Variants in UNC80 observed in about 807,000 individuals in gnomAD.
UNC80 encodes the protein unc-80 subunit of NALCN channel complex.
Under a neutral mutation model 384.6 loss-of-function variants are expected in UNC80, and 164 were observed. The ratio of observed to expected loss-of-function variants is 0.43; its 90% CI spans 0.38 to 0.49. The LOEUF is 0.49. Among genes scored for constraint, UNC80 ranks in the 20% least tolerant of loss-of-function variants. The pLI is 0.00. For synonymous variants in UNC80, 1,486 were observed against 1,527.8 expected (o/e 0.97, Z 0.64); for missense variants, 3,330 against 4,143.0 (o/e 0.80, Z 5.39).
intron 52 of UNC80, chr2:209,968,724 C>A (rs1002445367): frequency 6.6e-6 from 1 of 152,094 alleles, no homozygotes; most frequent in Non-Finnish European, 1.5e-5. Context: ...CACAAGGGTG[C>A]GTCAAAATAA....
chr2:209,976,326 TG>T lies in UNC80; in HGVS notation c.8772+24del. 6.4e-7 allele frequency: 1 copy of T among 1,551,612 alleles called. No homozygotes were observed. On this transcript the variant is annotated intron_variant, in intron 57 of 64. Transcript: ENST00000673920. This position sits in a 1 kb window ranked among gnomAD's most constrained non-coding sequence, Gnocchi z 4.3. ...AAGGTGTGGTGTGTGCTTCTCCTCC[TG>T]AAAGTGGCAAGCTCAAATGAATGTG...
chr2:209,872,818 T>C lies in UNC80; in HGVS notation c.3688T>C (p.Cys1230Arg), dbSNP rs1278708802. Residue 1230 changes from cysteine (C) to arginine (R), a missense_variant, in exon 23 of 65, where the codon TGC (cysteine) becomes CGC (arginine). Cys to Arg is a radical substitution (Grantham distance 180, BLOSUM62 -3). Around this residue, in one of 8 missense-constraint regions of UNC80, gnomAD observed 801 missense variants for 950.8 expected, o/e 0.84. Coordinates refer to ENST00000673920, the MANE Select transcript of UNC80 (RefSeq NM_001371986.1). This position sits in a 1 kb window ranked among gnomAD's most constrained non-coding sequence, Gnocchi z 4.1. ...FLECARFVHR[C>R]NRGNWPEWMK... ...GGAATGTGCTCGTTTTGTTCACCGC[T>C]GCAACCGTGGCAACTGGCCAGAGTG... 1.3e-6 allele frequency: 2 copies of C among 1,551,480 alleles called. No individual in the cohort carries two copies. Among genetic ancestry groups the C allele is most frequent in the Non-Finnish European group, 1.7e-6 (2 of 1,146,822 alleles).
Position 209,845,742 on chromosome 2 carries a change from G to C in UNC80, c.3454+3296G>C, listed in dbSNP as rs555612679. Reference sequence around the variant, plus strand: ...CACTATTCTTTGCCTATGTTCTCTTGCTTTTTAAAAATTATAAAAAAGATA... The same window carrying C: ...CACTATTCTTTGCCTATGTTCTCTTCCTTTTTAAAAATTATAAAAAAGATA... On this transcript the variant is annotated intron_variant, in intron 21 of 64. Transcript: ENST00000673920. 3.7e-4 allele frequency among the ~76,000 whole-genome samples: 57 copies of C among 152,200 alleles called. 1 individual carries two copies. Among genetic ancestry groups the C allele is most frequent in the Non-Finnish European group, 5.9e-5 (4 of 67,992 alleles).
chr2:209,938,710 C>CTGTGTGTGTGTG (rs139058213), intron 42 of UNC80, among the ~76,000 whole-genome samples: 1 of 83,380 alleles, frequency 1.2e-5, no homozygotes, highest in African/African-American at 3.9e-5. Context: ...CTCTCTCTCT[C>CTGTGTGTGTGTG]TGTGTGTGTG....
At chr2:209,836,953 A>G (rs1369104203) in intron 18 of UNC80, among the ~76,000 whole-genome samples, 1 of 152,244 alleles carries the variant, frequency 6.6e-6, no homozygotes, top group African/African-American at 2.4e-5. Flanking sequence ...TTTTCCAGCC[A>G]GACTACATAG....
chr2:209,984,800 C>CTTT, intron 60 of UNC80, 56 bp from the exon 61 acceptor site: 3 of 1,137,884 alleles, frequency 2.6e-6, no homozygotes, highest in South Asian at 1.7e-5. Flanking sequence ...TTTCTTTTTT[C>CTTT]TTTTTTTTTT....
chr2:209,963,345 T>A (rs2092652731), intron 51 of UNC80, among the ~76,000 whole-genome samples: 1 of 152,194 alleles, frequency 6.6e-6, no homozygotes, highest in South Asian at 2.1e-4. Context: ...GAAAGAACCA[T>A]AGGAAAGTTT....
intron 36 of UNC80, among the ~76,000 whole-genome samples, chr2:209,928,891 C>G (rs2090637659): frequency 6.6e-6 from 1 of 152,116 alleles, no homozygotes; most frequent in Admixed American, 6.6e-5. Flanking sequence ...GAGAGATCAA[C>G]TTATTTAGCT....
intron 28 of UNC80, among the ~76,000 whole-genome samples, chr2:209,898,283 T>G (rs1431519834): frequency 6.6e-6 from 1 of 152,130 alleles, no homozygotes; most frequent in Non-Finnish European, 1.5e-5. Flanking sequence ...TGTTTTTTTC[T>G]TAACTTCTTG....
At chr2:209,788,305 A>G (rs1256469440) in intron 5 of UNC80, among the ~76,000 whole-genome samples, 1 of 152,040 alleles carries the variant, frequency 6.6e-6, no homozygotes, top group African/African-American at 2.4e-5. Context: ...AATCCCAGCT[A>G]CTTGGGAAGG....
At chr2:209,896,773 G>A (rs1482143280) in intron 28 of UNC80, among the ~76,000 whole-genome samples, 1 of 152,084 alleles carries the variant, frequency 6.6e-6, no homozygotes, top group African/African-American at 2.4e-5. Flanking sequence ...CACGGTCATG[G>A]TGTTGCTCTT....
chr2:209,847,980 T>C (rs2082278738), intron 21 of UNC80, among the ~76,000 whole-genome samples: 1 of 152,120 alleles, frequency 6.6e-6, no homozygotes, highest in Non-Finnish European at 1.5e-5. Context: ...CTGTTTATAC[T>C]TTTTAACAGA....
At chr2:209,921,729 G>A in intron 34 of UNC80, 43 bp downstream of exon 34, 1 of 1,492,000 alleles carries the variant, frequency 6.7e-7, no homozygotes, top group Non-Finnish European at 8.9e-7. Flanking sequence ...TGAGTCTCAG[G>A]GAAATAACGT....
At chr2:209,927,657 G>A (rs1575044783) in intron 36 of UNC80, among the ~76,000 whole-genome samples, 1 of 152,090 alleles carries the variant, frequency 6.6e-6, no homozygotes, top group African/African-American at 2.4e-5. Flanking sequence ...GAAAAAGCAG[G>A]GGAAAGAGCA....
intron 2 of UNC80, among the ~76,000 whole-genome samples, chr2:209,775,487 A>T (rs1055166191): frequency 6.6e-6 from 1 of 152,160 alleles, no homozygotes; most frequent in Non-Finnish European, 1.5e-5. Context: ...TTCACAAAAA[A>T]CTTATTTTGG....
chr2:209,873,318 A>C (rs1047937473), intron 23 of UNC80, among the ~76,000 whole-genome samples: 3 of 152,216 alleles, frequency 2.0e-5, no homozygotes, highest in Non-Finnish European at 4.4e-5. Flanking sequence ...ATCAAGAATT[A>C]TCTTTTTGAA....
chr2:209,986,539 C>T (rs752245303), intron 61 of UNC80, among the ~76,000 whole-genome samples: 2 of 152,176 alleles, frequency 1.3e-5, no homozygotes, highest in East Asian at 1.9e-4. Context: ...GAGACTGGTT[C>T]AGAGCCAAAG....
chr2:209,813,799 G>C lies in UNC80; in HGVS notation c.1158G>C (p.Met386Ile). 6.4e-7 allele frequency: 1 copy of C among 1,552,148 alleles called. No individual in the cohort carries two copies. Residue 386 changes from methionine (M) to isoleucine (I), a missense_variant, in exon 8 of 65, where the codon ATG (methionine) becomes ATC (isoleucine). This residue lies in a region of UNC80 where 937 missense variants were observed against 1,026.8 expected (regional missense o/e 0.91). Transcript: ENST00000673920. The part of the protein sequence containing the change: ...PLLPRPRSSS[M>I]VAAAPSLVNT... ...TGCCCAGACCCAGGAGTAGCTCCAT[G>C]GTGGCAGCAGCTCCCTCACTAGTGA... is the stretch of plus-strand genomic sequence containing the variant.
intron 30 of UNC80, among the ~76,000 whole-genome samples, chr2:209,913,097 G>C (rs934500861): frequency 1.3e-5 from 2 of 152,174 alleles, no homozygotes; most frequent in Admixed American, 1.3e-4. Context: ...CACTAGACCT[G>C]TCCCAAGGAA....
Sources: gnomAD v4.1 joint callset for allele counts (sites outside exome capture counted in the v4.1 genomes callset) on GRCh38, gnomAD v4.1.1 for gene constraint, gnomAD v4.1.1 regional missense constraint, Gnocchi (gnomAD v3.1) non-coding constraint, MANE v1.5 for transcripts, NCBI Gene and HGNC (gene_info 2026-07-23, HGNC 2026-07-21) for gene names.